DDX31: variants seen among roughly 807,000 people sequenced by gnomAD.
The protein encoded by DDX31 is ATP-dependent DNA helicase DDX31.
Under a neutral mutation model 91.3 loss-of-function variants are expected in DDX31, and 70 were observed. The ratio of observed to expected loss-of-function variants is 0.77; its 90% CI spans 0.63 to 0.94. The LOEUF is 0.94. DDX31 is among the 40% of genes least tolerant of loss of function. The pLI is 0.00. For missense variants in DDX31, 902 were observed against 925.0 expected (o/e 0.98, Z 0.32); for synonymous variants, 362 against 350.6 (o/e 1.03, Z -0.36).
chr9:132,668,316 A>T (rs1835445953), intron 1 of DDX31, among the ~76,000 whole-genome samples: 1 of 152,164 alleles, frequency 6.6e-6, no homozygotes, highest in Non-Finnish European at 1.5e-5. Flanking sequence ...GATTATATCA[A>T]TGAAACCGAT....
chr9:132,607,892 C>T (rs1358805833), intron 19 of DDX31, among the ~76,000 whole-genome samples: 5 of 152,080 alleles, frequency 3.3e-5, no homozygotes, highest in Admixed American at 2.0e-4. Flanking sequence ...AGAGTGGCAG[C>T]GAAATGAGAG....
chr9:132,638,344 G>C, intron 14 of DDX31: 1 of 1,614,036 alleles, frequency 6.2e-7, no homozygotes, highest in Non-Finnish European at 8.5e-7. Flanking sequence ...CCTTTCCTCT[G>C]GCTTAGGGTG....
rs1478272759 is a variant in DDX31, at chr9:132,600,575, T to G, written c.1995-5463A>C. On this transcript the variant is annotated intron_variant, in intron 19 of 19. Transcript: ENST00000372159. ...CGGATGGCCCGGCACACTTGCTGCCTGGAAGGCCATGCACATGATGGGAAA... is the reference window on the plus strand; with the variant it reads ...CGGATGGCCCGGCACACTTGCTGCCGGGAAGGCCATGCACATGATGGGAAA... Among the ~76,000 whole-genome samples the G allele has an allele frequency of 2.6e-5, 4 of 152,140 alleles. No individual in the cohort carries two copies. In the East Asian group the frequency reaches 7.7e-4, roughly 29 times the overall value.
intron 9 of DDX31, among the ~76,000 whole-genome samples, chr9:132,649,205 G>A (rs190146008): frequency 4.6e-5 from 7 of 152,168 alleles, no homozygotes; most frequent in Non-Finnish European, 8.8e-5. Context: ...GCCTCCCTAA[G>A]TGCTAGGATT....
At position 132,594,692 on chromosome 9, in the gene DDX31, A is replaced by G. The variant is rs774664252; in HGVS notation, c.*174T>C. ...ACAGTGCCCCACACCACTGATTTCT[A>G]TCAGGCTCCAGGGCCTCCCATGGAG... On this transcript the variant is annotated 3_prime_UTR_variant, in exon 20 of 20. Transcript: ENST00000372159. The G allele has an allele frequency of 1.7e-5, 19 of 1,093,138 alleles. No individual in the cohort carries two copies. Among genetic ancestry groups the G allele is most frequent in the Non-Finnish European group, 2.2e-5 (17 of 767,822 alleles). The allele number at this position is 1,093,138 out of a possible 1,614,324, so 67.7% of individuals were successfully genotyped here.
intron 17 of DDX31, among the ~76,000 whole-genome samples, chr9:132,621,993 T>TAA (rs11306949): frequency 1.4e-5 from 2 of 143,714 alleles, no homozygotes; most frequent in African/African-American, 2.6e-5. Context: ...CAGCTTTTCT[T>TAA]AAAAAAAAAA....
At chr9:132,632,297 C>CACACACACACACACACACACACACACAG (rs1564306019) in intron 14 of DDX31, among the ~76,000 whole-genome samples, 1 of 132,326 alleles carries the variant, frequency 7.6e-6, no homozygotes, top group Non-Finnish European at 1.6e-5. Flanking sequence ...CACACACACA[C>CACACACACACACACACACACACACACAG]AGTCCTGCAT....
chr9:132,666,615 G>A (rs1000202320), intron 1 of DDX31, among the ~76,000 whole-genome samples: 19 of 152,018 alleles, frequency 1.2e-4, no homozygotes, highest in African/African-American at 1.7e-4. Flanking sequence ...ACTGGTTCCT[G>A]GGTTCAAGTG....
intron 1 of DDX31, among the ~76,000 whole-genome samples, chr9:132,668,688 C>T (rs892485990): frequency 5.3e-5 from 8 of 152,100 alleles, no homozygotes; most frequent in African/African-American, 1.9e-4. Flanking sequence ...CTGCCTCAGC[C>T]TCCCGAGTAG....
At chr9:132,641,369 A>G (rs1281355569) in intron 14 of DDX31, among the ~76,000 whole-genome samples, 2 of 152,284 alleles carry the variant, frequency 1.3e-5, no homozygotes, top group African/African-American at 4.8e-5. Flanking sequence ...AAGATGGAAC[A>G]GAGAAGGCAT....
Position 132,669,908 on chromosome 9 carries a change from G to C in DDX31, c.27C>G (p.Phe9Leu). 1 of 1,597,036 alleles carries C rather than the reference G, an allele frequency of 6.3e-7. No individual in the cohort carries two copies. The change falls in exon 1 of 20, where the codon TTC (phenylalanine) becomes TTG (leucine). Residue 9 changes from phenylalanine to leucine, a missense_variant. Coordinates refer to ENST00000372159, the MANE Select transcript of DDX31 (RefSeq NM_022779.9). ...GTCTGGAGAACGTCCTGGGGTTGTC[G>C]AAGAGCGAACCGTCGGCGGCTGCCA... is the stretch of plus-strand genomic sequence containing the variant. The part of the protein sequence containing the change: MAAADGSL[F>L]DNPRTFSRRP...
At chr9:132,600,489 G>A (rs1014240492) in intron 19 of DDX31, among the ~76,000 whole-genome samples, 2 of 152,132 alleles carry the variant, frequency 1.3e-5, no homozygotes, top group African/African-American at 4.8e-5. Flanking sequence ...TCAGAACTCC[G>A]AGCCCTGGGC....
chr9:132,604,669 G>A (rs1406774805), intron 19 of DDX31, among the ~76,000 whole-genome samples: 1 of 152,126 alleles, frequency 6.6e-6, no homozygotes, highest in Non-Finnish European at 1.5e-5. Flanking sequence ...GGTCTCCTGG[G>A]TTGGAGCCTG....
intron 19 of DDX31, among the ~76,000 whole-genome samples, chr9:132,604,914 G>C (rs1830927129): frequency 1.3e-5 from 2 of 152,158 alleles, no homozygotes. Flanking sequence ...GCTGATCCCA[G>C]GCCTCCTTCA....
chr9:132,620,204 CAG>C (rs1831932101), intron 17 of DDX31, among the ~76,000 whole-genome samples: 1 of 151,868 alleles, frequency 6.6e-6, no homozygotes, highest in South Asian at 2.1e-4. Context: ...GCCAGGGAGG[CAG>C]AGAGGTTTCA....
At position 132,650,946 on chromosome 9, in the gene DDX31, G is replaced by A. The variant is rs143385819; in HGVS notation, c.675+129C>T. The A allele has an allele frequency of 6.0e-4, 558 of 935,268 alleles. 1 individual carries two copies. In the African/African-American group the frequency reaches 7.3e-3, roughly 12 times the overall value. 57.9% of individuals were successfully genotyped at this position (935,268 alleles called of 1,614,324 possible). ...AGTAAAAACCTATAAACTGCCTAGA[G>A]AGAGCAGAGATATCCAGGCAAAAGG... On this transcript the variant is annotated intron_variant, in intron 8 of 19. Transcript: ENST00000372159.
Position 132,648,396 on chromosome 9 carries a change from C to T in DDX31, c.860+36G>A, listed in dbSNP as rs1047454471. ...AACAAGGAGAGGAGAAACAGCCCTT[C>T]TCTTCTACCTGTTATCATCCTGGGA... On this transcript the variant is annotated intron_variant, in intron 10 of 19. Coordinates refer to ENST00000372159, the MANE Select transcript of DDX31 (RefSeq NM_022779.9). 7 of 1,609,370 alleles carry T rather than the reference C, an allele frequency of 4.3e-6. No individual in the cohort carries two copies. In the African/African-American group the frequency reaches 9.4e-5, roughly 22 times the overall value.
intron 5 of DDX31, 144 bp from the exon 6 acceptor site, chr9:132,658,879 G>T: frequency 1.5e-6 from 1 of 688,856 alleles, no homozygotes; most frequent in Non-Finnish European, 2.3e-6. Context: ...ATACATCCAA[G>T]AGAAGTGAAA....
In DDX31 at chr9:132,622,504, T is replaced by C. The variant is rs1254646558; in HGVS notation, c.1713+3160A>G. Among the ~76,000 whole-genome samples, 4 of 152,316 alleles carry C rather than the reference T, an allele frequency of 2.6e-5. No individual in the cohort carries two copies. In the East Asian group the frequency reaches 7.7e-4, roughly 29 times the overall value. Reference sequence around the variant, plus strand: ...TGGGGACGTGTCCTTCAGGAGAGGCTTCCTGCCCTTCTACAGCTTCCCTGC... The same window carrying C: ...TGGGGACGTGTCCTTCAGGAGAGGCCTCCTGCCCTTCTACAGCTTCCCTGC... On this transcript the variant is annotated intron_variant, in intron 17 of 19. Coordinates refer to ENST00000372159, the MANE Select transcript of DDX31 (RefSeq NM_022779.9).
Sources: gnomAD v4.1 joint callset for allele counts (sites outside exome capture counted in the v4.1 genomes callset) on GRCh38, gnomAD v4.1.1 for gene constraint, MANE v1.5 for transcripts, NCBI Gene and HGNC (gene_info 2026-07-23, HGNC 2026-07-21) for gene names.